MARS1: variants seen among roughly 807,000 people sequenced by gnomAD.
The protein encoded by MARS1 is methionyl-tRNA synthetase 1, also known as methionine--tRNA ligase, cytoplasmic.
Under a neutral mutation model 119.5 loss-of-function variants are expected in MARS1, and 80 were observed. That is an observed-to-expected ratio of 0.67 (90% CI 0.56 to 0.81). The LOEUF is 0.81. Among genes scored for constraint, MARS1 ranks in the 30% least tolerant of loss-of-function variants. The pLI is 0.00. For synonymous variants in MARS1, 418 were observed against 433.4 expected (o/e 0.96, Z 0.44); for missense variants, 945 against 1,116.5 (o/e 0.85, Z 2.19).
intron 18 of MARS1, 124 bp downstream of exon 18, chr12:57,515,460 A>G: frequency 1.1e-6 from 1 of 931,000 alleles, no homozygotes; most frequent in Non-Finnish European, 1.6e-6. Context: ...AGTTTCTGAT[A>G]TAAAGTCCTT....
intron 7 of MARS1, among the ~76,000 whole-genome samples, chr12:57,491,320 C>G (rs1205421628): frequency 6.6e-6 from 1 of 152,134 alleles, no homozygotes; most frequent in Non-Finnish European, 1.5e-5. Context: ...TCAACATATC[C>G]AAAACCAAAC....
At chr12:57,498,357 A>G in intron 8 of MARS1, 63 bp from the exon 9 acceptor site, 1 of 1,595,112 alleles carries the variant, frequency 6.3e-7, no homozygotes, top group Non-Finnish European at 8.6e-7. Flanking sequence ...GGGGCTGGGG[A>G]GATCCCAAGG....
intron 11 of MARS1, among the ~76,000 whole-genome samples, chr12:57,504,742 C>T (rs1425401546): frequency 5.8e-5 from 7 of 121,704 alleles, no homozygotes; most frequent in East Asian, 2.6e-4. Flanking sequence ...TCGCTCTTGT[C>T]GCCCAGGCTG....
At chr12:57,507,799 G>A (rs1224166527) in intron 11 of MARS1, among the ~76,000 whole-genome samples, 1 of 148,970 alleles carries the variant, frequency 6.7e-6, no homozygotes, top group African/African-American at 2.5e-5. Context: ...GCCGGGCGGA[G>A]GCTGACCCCC....
chr12:57,512,332 G>A lies in MARS1; in HGVS notation c.1732G>A (p.Val578Ile), dbSNP rs544343105. The A allele has an allele frequency of 9.9e-6, 16 of 1,613,764 alleles. No homozygotes were observed. The Admixed American group carries it at 2.7e-4, about 27-fold the overall frequency. ...AGGAGCTGAGGATAACTATACCTTG[G>A]TCAGCCACCTCATTGCTACAGGTAA... Reference protein sequence around the residue: ...ALGAEDNYTLVSHLIATEYLN... With the variant: ...ALGAEDNYTLISHLIATEYLN... The change falls in exon 14 of 21, where the codon GTC becomes ATC. Residue 578 changes from valine to isoleucine, a missense_variant. Transcript: ENST00000262027.
In MARS1 at chr12:57,489,018, G is replaced by A; in HGVS notation, c.110-1G>A. On this transcript the variant is annotated splice_acceptor_variant, in intron 1 of 20. Coordinates refer to ENST00000262027, the MANE Select transcript of MARS1 (RefSeq NM_004990.4). LOFTEE classifies it high-confidence loss of function. ...TAACCCATTTTCCATTCTTGCATCA[G>A]ATTGTGTGGTCCCGTTCCTGACCCG... 1 of 1,607,062 alleles carries A rather than the reference G, an allele frequency of 6.2e-7. No individual in the cohort carries two copies.
intron 11 of MARS1, among the ~76,000 whole-genome samples, chr12:57,510,293 G>A (rs1047481808): frequency 2.0e-5 from 3 of 152,142 alleles, no homozygotes; most frequent in Non-Finnish European, 4.4e-5. Context: ...CCAACGTGGT[G>A]AAACCCCATC....
In MARS1 at chr12:57,500,538, C is replaced by A. The variant is rs200792020; in HGVS notation, c.1293+16C>A. On this transcript the variant is annotated intron_variant, in intron 10 of 20. Transcript: ENST00000262027. ...CGAGCTTAAGGTAAGAGGAGGGTCTCCATGGGAGCCCGGAAGGAGACAGTC... is the reference window on the plus strand; with the variant it reads ...CGAGCTTAAGGTAAGAGGAGGGTCTACATGGGAGCCCGGAAGGAGACAGTC... 92 of 1,612,040 alleles carry A rather than the reference C, an allele frequency of 5.7e-5. No homozygotes were observed. In the African/African-American group the frequency reaches 9.9e-4, roughly 17 times the overall value.
chr12:57,512,647 C>A, intron 14 of MARS1, 104 bp from the exon 15 acceptor site: 2 of 939,456 alleles, frequency 2.1e-6, no homozygotes, highest in Non-Finnish European at 3.3e-6. Flanking sequence ...TTGCTAGACA[C>A]CCATAGTTGA....
Position 57,489,470 on chromosome 12 carries a change from A to T in MARS1, c.326A>T (p.Lys109Met). The change falls in exon 4 of 21, where the codon AAG (lysine) becomes ATG (methionine). Residue 109 changes from lysine to methionine, a missense_variant. Lys to Met is a moderately conservative substitution (Grantham distance 95). Coordinates refer to ENST00000262027, the MANE Select transcript of MARS1 (RefSeq NM_004990.4). ...TACTATTTAGTGGTCCAAGGCAAGA[A>T]GGGGGAAGATGTTCTTGGTTCAGTG... ...ALYYLVVQGK[K>M]GEDVLGSVRR... 6.2e-7 allele frequency: 1 copy of T among 1,614,170 alleles called. No homozygotes were observed. Among genetic ancestry groups the T allele is most frequent in the Non-Finnish European group, 8.5e-7 (1 of 1,180,036 alleles).
intron 11 of MARS1, among the ~76,000 whole-genome samples, chr12:57,508,126 C>G (rs1460936590): frequency 6.6e-6 from 1 of 152,120 alleles, no homozygotes; most frequent in Non-Finnish European, 1.5e-5. Flanking sequence ...AGGCGCTCCT[C>G]ACTTCCTAGA....
rs755687835 is a variant in MARS1 at position 57,516,047 on chromosome 12, T to TA, written c.2463+58dup. On this transcript the variant is annotated intron_variant, in intron 19 of 20. Transcript: ENST00000262027. ...CACAACAGCCACAGCATCACTTCCC[T>TA]AATTTCCCTAAGTAGTCCTCACCCA... is the stretch of plus-strand genomic sequence containing the variant. 3 of 1,557,396 alleles carry TA rather than the reference T, an allele frequency of 1.9e-6. No homozygotes were observed. In the African/African-American group the frequency reaches 4.1e-5, roughly 21 times the overall value.
intron 7 of MARS1, among the ~76,000 whole-genome samples, chr12:57,496,956 C>T (rs1212595531): frequency 6.6e-6 from 1 of 152,162 alleles, no homozygotes; most frequent in Non-Finnish European, 1.5e-5. Context: ...CTCTTCATTA[C>T]ACTGATCCCA....
intron 5 of MARS1, 39 bp downstream of exon 5, chr12:57,490,010 G>T: frequency 6.3e-7 from 1 of 1,591,644 alleles, no homozygotes; most frequent in African/African-American, 1.3e-5. Context: ...TAGGAGCTTG[G>T]TGTAGGGGTT....
chr12:57,489,276 TTTG>T lies in MARS1; in HGVS notation c.213_215del (p.Leu72del). On this transcript the variant is annotated inframe_deletion, in exon 3 of 21. Transcript: ENST00000262027. ...CTCTCTCTCTGGGCAGATATTTTTT[TTTG>T]TTATCTGGCTGGGAGCAAGATGACC... 1 of 1,613,842 alleles carries T rather than the reference TTTG, an allele frequency of 6.2e-7. No individual in the cohort carries two copies. The highest frequency in any genetic ancestry group is 8.5e-7 in the Non-Finnish European group (1 of 1,180,036).
At position 57,500,499 on chromosome 12, in the gene MARS1, CTCA is replaced by C; in HGVS notation, c.1274_1276del (p.Ile425del). 6.2e-7 allele frequency: 1 copy of C among 1,614,162 alleles called. No individual in the cohort carries two copies. Among genetic ancestry groups the C allele is most frequent in the Non-Finnish European group, 8.5e-7 (1 of 1,180,028 alleles). On this transcript the variant is annotated inframe_deletion, in exon 10 of 21. Coordinates refer to ENST00000262027, the MANE Select transcript of MARS1 (RefSeq NM_004990.4). ...TGACCAGTGTGACAAGTGTGGCAAG[CTCA>C]TCAATGCTGTCGAGCTTAAGGTAAG...
intron 10 of MARS1, 110 bp downstream of exon 10, chr12:57,500,632 A>G (rs1382036249): frequency 3.9e-6 from 4 of 1,022,446 alleles, no homozygotes; most frequent in Non-Finnish European, 5.8e-6. Context: ...ACCTTTAACC[A>G]GTGGCCCTTT....
chr12:57,501,458 G>A (rs1270425494), intron 10 of MARS1, among the ~76,000 whole-genome samples: 1 of 152,236 alleles, frequency 6.6e-6, no homozygotes. Context: ...GCCAAGCTGG[G>A]TGGATCACTT....
chr12:57,492,332 A>G (rs1404570161), intron 7 of MARS1, among the ~76,000 whole-genome samples: 1 of 151,358 alleles, frequency 6.6e-6, no homozygotes, highest in Non-Finnish European at 1.5e-5. Flanking sequence ...ATGCGAGGAA[A>G]TATCAGAGGT....
Sources: gnomAD v4.1 joint callset for allele counts (sites outside exome capture counted in the v4.1 genomes callset) on GRCh38, gnomAD v4.1.1 for gene constraint, MANE v1.5 for transcripts, NCBI Gene and HGNC (gene_info 2026-07-23, HGNC 2026-07-21) for gene names.